Variants in KCNC2 observed in about 807,000 individuals in gnomAD.
KCNC2 encodes potassium voltage-gated channel subfamily C member 2.
Under a neutral mutation model 44.5 loss-of-function variants are expected in KCNC2, and 21 were observed. The observed-to-expected ratio is 0.47, with a 90% CI of 0.33 to 0.68. KCNC2 has a LOEUF of 0.68. Ranked by LOEUF, KCNC2 falls within the 30% of genes least tolerant of loss-of-function variation. The pLI is 0.01. For missense variants in KCNC2, 589 were observed against 826.2 expected (o/e 0.71, Z 3.52); for synonymous variants, 391 against 339.1 (o/e 1.15, Z -1.68).
intron 2 of KCNC2, among the ~76,000 whole-genome samples, chr12:75,089,443 C>T (rs1287165832): frequency 1.3e-5 from 2 of 151,834 alleles, no homozygotes; most frequent in Middle Eastern, 6.9e-3. Flanking sequence ...TTGGGCTCTT[C>T]TTTGAAAGAT....
chr12:75,160,152 G>A (rs2137519299), intron 2 of KCNC2, among the ~76,000 whole-genome samples: 1 of 151,768 alleles, frequency 6.6e-6, no homozygotes, highest in South Asian at 2.1e-4. Context: ...GAATTGTAAG[G>A]CTAGGCCCTA....
At chr12:75,114,001 C>T (rs1237431989) in intron 2 of KCNC2, among the ~76,000 whole-genome samples, 1 of 152,174 alleles carries the variant, frequency 6.6e-6, no homozygotes, top group African/African-American at 2.4e-5. Context: ...CATATATACA[C>T]ACACACACAT....
rs111615068 is a variant in KCNC2 at position 75,091,090 on chromosome 12, T to C, written c.688-39773A>G. On this transcript the variant is annotated intron_variant, in intron 2 of 4. Coordinates refer to ENST00000549446, the MANE Select transcript of KCNC2 (RefSeq NM_139137.4). ...TCTGATTTTAGTGCATAGATTTTCA[T>C]TGTGCTTCTCCTGATGCAAAGATCA... 3.5e-3 allele frequency among the ~76,000 whole-genome samples: 534 copies of C among 151,782 alleles called. 8 individuals carry two copies. The highest frequency in any genetic ancestry group is 0.013 in the African/African-American group (523 of 41,498).
Position 75,207,383 on chromosome 12 carries a change from G to A in KCNC2, c.601C>T (p.Pro201Ser), listed in dbSNP as rs751946748. 5 of 1,581,534 alleles carry A rather than the reference G, an allele frequency of 3.2e-6. No individual in the cohort carries two copies. Among genetic ancestry groups the A allele is most frequent in the South Asian group, 1.1e-5 (1 of 87,100 alleles). Residue 201 changes from proline (P) to serine (S), a missense_variant, in exon 2 of 5, where the codon CCC becomes TCC. Pro to Ser is a moderately conservative substitution (Grantham distance 74). Coordinates refer to ENST00000549446, the MANE Select transcript of KCNC2 (RefSeq NM_139137.4). This position sits in a 1 kb window ranked among gnomAD's most constrained non-coding sequence, Gnocchi z 4.1. ...GIEDAAGLGG[P>S]DGKSGRWRRL... ...CTCCAGCGGCCAGATTTGCCGTCGGGGCCCCCGAGCCCCGCCGCGTCCTCG... is the reference window on the plus strand; with the variant it reads ...CTCCAGCGGCCAGATTTGCCGTCGGAGCCCCCGAGCCCCGCCGCGTCCTCG...
chr12:75,134,512 A>C (rs577354796), intron 2 of KCNC2, among the ~76,000 whole-genome samples: 1 of 151,966 alleles, frequency 6.6e-6, no homozygotes, highest in South Asian at 2.1e-4. Context: ...TGATAAATTA[A>C]ATTGATTAAG....
intron 2 of KCNC2, among the ~76,000 whole-genome samples, chr12:75,174,873 C>A (rs962975121): frequency 5.3e-5 from 8 of 151,890 alleles, no homozygotes; most frequent in African/African-American, 1.9e-4. Context: ...GAGCAAACAT[C>A]TATTTATCTG....
Position 75,069,129 on chromosome 12 carries a change from CTT to C in KCNC2, c.688-17814_688-17813del, listed in dbSNP as rs1158151551. ...AAAAACAGTTTCAATTTTATATAAT[CTT>C]TTTTTTTTTTTTTTTTTTTTGAGAC... On this transcript the variant is annotated intron_variant, in intron 2 of 4. Coordinates refer to ENST00000549446, the MANE Select transcript of KCNC2 (RefSeq NM_139137.4). 5.8e-4 allele frequency among the ~76,000 whole-genome samples: 37 copies of C among 63,664 alleles called. 1 individual carries two copies. The highest frequency in any genetic ancestry group is 1.8e-3 in the African/African-American group (30 of 16,806). The allele number at this position is 63,664 out of a possible 152,430, so 41.8% of individuals were successfully genotyped here.
intron 2 of KCNC2, among the ~76,000 whole-genome samples, chr12:75,138,796 C>T (rs1449561093): frequency 2.6e-5 from 4 of 151,832 alleles, no homozygotes; most frequent in Admixed American, 2.0e-4. Flanking sequence ...CTGGTTAACA[C>T]GGTGAAACCC....
intron 2 of KCNC2, among the ~76,000 whole-genome samples, chr12:75,160,176 G>A (rs369830703): frequency 7.5e-4 from 113 of 151,662 alleles, no homozygotes; most frequent in African/African-American, 2.5e-3. Flanking sequence ...CCATATAATT[G>A]CCACCCTTAT....
intron 2 of KCNC2, among the ~76,000 whole-genome samples, chr12:75,113,080 C>A (rs1374411198): frequency 1.3e-5 from 2 of 152,072 alleles, no homozygotes; most frequent in Non-Finnish European, 2.9e-5. Context: ...AATAAGTAAT[C>A]TAACATAATT....
At chr12:75,155,173 A>G (rs1890673494) in intron 2 of KCNC2, among the ~76,000 whole-genome samples, 1 of 151,906 alleles carries the variant, frequency 6.6e-6, no homozygotes, top group Non-Finnish European at 1.5e-5. Context: ...TTTGGCTCAA[A>G]TATTGCAATA....
intron 2 of KCNC2, among the ~76,000 whole-genome samples, chr12:75,185,952 AAG>A (rs1340932076): frequency 2.6e-5 from 4 of 151,902 alleles, no homozygotes; most frequent in African/African-American, 9.7e-5. Flanking sequence ...AGGCTGAGAC[AAG>A]AGACTCACTT....
intron 2 of KCNC2, among the ~76,000 whole-genome samples, chr12:75,158,159 T>G (rs1441656708): frequency 6.6e-6 from 1 of 151,924 alleles, no homozygotes; most frequent in Non-Finnish European, 1.5e-5. Flanking sequence ...TTTAGTTTAT[T>G]AATTTGTTTT....
At chr12:75,075,457 A>G (rs939283417) in intron 2 of KCNC2, among the ~76,000 whole-genome samples, 7 of 13,756 alleles carry the variant, frequency 5.1e-4, no homozygotes, top group African/African-American at 1.2e-3. Context: ...ATATATATAT[A>G]CATATATATA....
At chr12:75,090,849 A>G (rs1885415056) in intron 2 of KCNC2, among the ~76,000 whole-genome samples, 1 of 151,694 alleles carries the variant, frequency 6.6e-6, no homozygotes, top group Non-Finnish European at 1.5e-5. Context: ...GCATTCTCAA[A>G]GATGCCTGAA....
chr12:75,130,941 G>C lies in KCNC2; in HGVS notation c.687+76356C>G, dbSNP rs755193017. On this transcript the variant is annotated intron_variant, in intron 2 of 4. Transcript: ENST00000549446. Reference sequence around the variant, plus strand: ...ATTCACAGACAAATCAATCCCATCTGTTACGCCTCCTGTTTGGGTGCACCA... The same window carrying C: ...ATTCACAGACAAATCAATCCCATCTCTTACGCCTCCTGTTTGGGTGCACCA... Among the ~76,000 whole-genome samples the C allele has an allele frequency of 5.7e-4, 86 of 152,120 alleles. 1 individual carries two copies. In the Middle Eastern group the frequency reaches 0.024, roughly 42 times the overall value.
At chr12:75,149,000 C>CA (rs202065772) in intron 2 of KCNC2, among the ~76,000 whole-genome samples, 22,387 of 118,298 alleles carry the variant, frequency 0.19, 1,997 homozygotes, top group Middle Eastern at 0.3. Context: ...GACTGATATA[C>CA]AAAAAAAAAA....
In KCNC2 at chr12:75,099,048, A is replaced by T. The variant is rs530405302; in HGVS notation, c.688-47731T>A. Among the ~76,000 whole-genome samples, 14 of 152,264 alleles carry T rather than the reference A, an allele frequency of 9.2e-5. No individual in the cohort carries two copies. In the South Asian group the frequency reaches 2.9e-3, roughly 32 times the overall value. On this transcript the variant is annotated intron_variant, in intron 2 of 4. Transcript: ENST00000549446. ...AAAATATCTTCTATTTTCTTTAATG[A>T]TGGTTTATAAATTAATAATCTTATC...
At chr12:75,098,130 G>A (rs181759065) in intron 2 of KCNC2, among the ~76,000 whole-genome samples, 2 of 152,134 alleles carry the variant, frequency 1.3e-5, no homozygotes, top group East Asian at 3.9e-4. Context: ...CTAAGTAGAT[G>A]CTGTTCTCGG....
Sources: gnomAD v4.1 joint callset for allele counts (sites outside exome capture counted in the v4.1 genomes callset) on GRCh38, gnomAD v4.1.1 for gene constraint, Gnocchi (gnomAD v3.1) non-coding constraint, MANE v1.5 for transcripts, NCBI Gene and HGNC (gene_info 2026-07-23, HGNC 2026-07-21) for gene names.